Variants in LSM12 observed in about 807,000 individuals in gnomAD.
LSM12 encodes protein LSM12.
For synonymous variants in LSM12, 74 were observed against 87.3 expected, an observed-to-expected ratio of 0.85 and a Z score of 0.85; for missense variants, 108 against 238.9, an observed-to-expected ratio of 0.45 and a Z score of 3.61.
At chr17:44,055,563 G>A (rs912424763) in intron 2 of LSM12, among the ~76,000 whole-genome samples, 8 of 149,656 alleles carry the variant, frequency 5.3e-5, no homozygotes, top group South Asian at 2.1e-4. Context: ...TGTAGTCCCA[G>A]CTACTCAGGA....
intron 2 of LSM12, among the ~76,000 whole-genome samples, chr17:44,062,078 C>T (rs902288826): frequency 6.6e-6 from 1 of 151,960 alleles, no homozygotes; most frequent in East Asian, 1.9e-4. Flanking sequence ...AAAAGTTAGC[C>T]GGGCGTGGTG....
At chr17:44,067,242 C>A (rs1050401315), upstream of LSM12, among the ~76,000 whole-genome samples, 3 of 152,202 alleles carry the variant, frequency 2.0e-5, no homozygotes, top group Non-Finnish European at 2.9e-5. Context: ...GGAGGTTGCA[C>A]TGAGCCAAGA....
In LSM12 at chr17:44,063,783, C is replaced by G; in HGVS notation, c.258+18G>C. The G allele has an allele frequency of 6.2e-7, 1 of 1,606,010 alleles. No individual in the cohort carries two copies. Among genetic ancestry groups the G allele is most frequent in the Non-Finnish European group, 8.5e-7 (1 of 1,175,372 alleles). ...TTCCCACCATTTTAGAGAGCCAGAT[C>G]TGCCCTTGAGTCCTTACCTTACTAA... On this transcript the variant is annotated intron_variant, in intron 2 of 4. Coordinates refer to ENST00000293406, the MANE Select transcript of LSM12 (RefSeq NM_001371445.1).
intron 2 of LSM12, among the ~76,000 whole-genome samples, chr17:44,049,742 G>A (rs1324383033): frequency 6.6e-6 from 1 of 152,228 alleles, no homozygotes. Context: ...GACCAGGAAG[G>A]CACAGGTGCC....
chr17:44,065,370 G>A (rs1441062572), intron 1 of LSM12, among the ~76,000 whole-genome samples: 4 of 151,204 alleles, frequency 2.6e-5, no homozygotes, highest in African/African-American at 7.3e-5. Context: ...GAACCAGGGA[G>A]TCGGAGGTTG....
At chr17:44,059,398 G>C (rs1173064882) in intron 2 of LSM12, among the ~76,000 whole-genome samples, 1 of 152,104 alleles carries the variant, frequency 6.6e-6, no homozygotes, top group Non-Finnish European at 1.5e-5. Context: ...AGGCCAGCCT[G>C]GTCAACACGG....
At chr17:44,064,581 A>T (rs550963178) in intron 1 of LSM12, among the ~76,000 whole-genome samples, 113 of 152,184 alleles carry the variant, frequency 7.4e-4, no homozygotes, top group African/African-American at 2.4e-3. Flanking sequence ...AAAAAAAAAA[A>T]AATTAGCCGG....
chr17:44,058,876 G>A (rs2049757322), intron 2 of LSM12, among the ~76,000 whole-genome samples: 3 of 151,802 alleles, frequency 2.0e-5, no homozygotes, highest in Admixed American at 2.0e-4. Context: ...GGTTTGTGCC[G>A]GTAGTCCCAG....
chr17:44,041,281 AAAAAAACAAAC>A (rs750135619), intron 2 of LSM12, among the ~76,000 whole-genome samples: 52 of 131,296 alleles, frequency 4.0e-4, no homozygotes, highest in Admixed American at 1.2e-3. Context: ...TTTAAAAAAA[AAAAAAACAAAC>A]ACACACACAC....
At position 44,066,649 on chromosome 17, in the gene LSM12, A is replaced by G; in HGVS notation, c.-62T>C. On this transcript the variant is annotated 5_prime_UTR_variant, in exon 1 of 5. Transcript: ENST00000293406. ...AGCAGCGGGCGAAAGCCGGGCCCCC[A>G]GTGAGCGCCGCGACGCGACGGCGCG... 1 of 1,278,258 alleles carries G rather than the reference A, an allele frequency of 7.8e-7. No individual in the cohort carries two copies. The highest frequency in any genetic ancestry group is 3.3e-5 in the East Asian group (1 of 30,564). The allele number at this position is 1,278,258 out of a possible 1,614,324, so 79.2% of individuals were successfully genotyped here. A position where few individuals can be genotyped will look rare whatever the true frequency, so the allele number is the denominator to read the frequency against.
At chr17:44,063,599 G>A (rs929695387) in intron 2 of LSM12, among the ~76,000 whole-genome samples, 36 of 152,178 alleles carry the variant, frequency 2.4e-4, no homozygotes, top group African/African-American at 7.7e-4. Context: ...TTATTTGGGA[G>A]TTAAGCTACT....
rs563004713 is a variant in LSM12 at position 44,062,108 on chromosome 17, G to C, written c.258+1693C>G. Reference sequence around the variant, plus strand: ...GTGGTGTCGGGCGCCTGTAGTCCCAGCTACTAGGAAGGCTGAGGCAGGAGA... The same window carrying C: ...GTGGTGTCGGGCGCCTGTAGTCCCACCTACTAGGAAGGCTGAGGCAGGAGA... On this transcript the variant is annotated intron_variant, in intron 2 of 4. Coordinates refer to ENST00000293406, the MANE Select transcript of LSM12 (RefSeq NM_001371445.1). Among the ~76,000 whole-genome samples the C allele has an allele frequency of 4.2e-4, 64 of 151,542 alleles. 2 individuals are homozygous for C. The South Asian group carries it at 0.013, about 30-fold the overall frequency.
chr17:44,066,221 A>C (rs2049873242), intron 1 of LSM12, among the ~76,000 whole-genome samples: 2 of 98,090 alleles, frequency 2.0e-5, no homozygotes, highest in Admixed American at 1.3e-4. Flanking sequence ...GCCCTCCTCC[A>C]CCCACTGATC....
chr17:44,059,874 G>A (rs912393790), intron 2 of LSM12, among the ~76,000 whole-genome samples: 1 of 152,098 alleles, frequency 6.6e-6, no homozygotes, highest in African/African-American at 2.4e-5. Context: ...TTTGACTAAA[G>A]TTAGAGTAGG....
intron 2 of LSM12, among the ~76,000 whole-genome samples, chr17:44,042,408 T>G (rs2049506648): frequency 6.6e-6 from 1 of 152,140 alleles, no homozygotes; most frequent in African/African-American, 2.4e-5. Context: ...AAGCATAGCT[T>G]TTTTTCTTGG....
chr17:44,062,890 G>C (rs574859234), intron 2 of LSM12, among the ~76,000 whole-genome samples: 1 of 151,534 alleles, frequency 6.6e-6, no homozygotes, highest in Non-Finnish European at 1.5e-5. Flanking sequence ...GGGTGTGACA[G>C]TGTGTGCCTG....
At chr17:44,044,021 G>C (rs2049529096) in intron 2 of LSM12, among the ~76,000 whole-genome samples, 1 of 152,086 alleles carries the variant, frequency 6.6e-6, no homozygotes, top group Admixed American at 6.6e-5. Context: ...CTTCTATAAA[G>C]CTTGTGTTGA....
chr17:44,050,895 G>A (rs2049634272), intron 2 of LSM12, among the ~76,000 whole-genome samples: 1 of 152,208 alleles, frequency 6.6e-6, no homozygotes, highest in Non-Finnish European at 1.5e-5. Context: ...AGCACTTTGG[G>A]AGATAGGCGG....
At chr17:44,038,057 C>T (rs945286456) in intron 3 of LSM12, among the ~76,000 whole-genome samples, 3 of 152,042 alleles carry the variant, frequency 2.0e-5, no homozygotes, top group African/African-American at 7.3e-5. Context: ...TTTAGAAAGA[C>T]AGGAGAACAG....
Sources: gnomAD v4.1 joint callset for allele counts (sites outside exome capture counted in the v4.1 genomes callset) on GRCh38, gnomAD v4.1.1 for gene constraint, MANE v1.5 for transcripts, NCBI Gene and HGNC (gene_info 2026-07-23, HGNC 2026-07-21) for gene names.